The following LPIN1 variants were observed in gnomAD, a reference collection of about 807,000 sequenced individuals.
LPIN1 encodes the protein phosphatidate phosphatase LPIN1.
A neutral mutation model predicts 107.5 loss-of-function variants in LPIN1; 71 were observed. The observed-to-expected ratio is 0.66, with a 90% CI of 0.55 to 0.80. The LOEUF is 0.80. LPIN1 is among the 30% of genes least tolerant of loss of function. The pLI, the probability that LPIN1 is intolerant of heterozygous loss-of-function variation, is 0.00. For missense variants in LPIN1, 1,043 were observed against 1,160.6 expected (o/e 0.90, Z 1.47); for synonymous variants, 445 against 452.6 (o/e 0.98, Z 0.21).
intron 1 of LPIN1, among the ~76,000 whole-genome samples, chr2:11,739,487 T>G (rs934855892): frequency 2.0e-5 from 3 of 152,176 alleles, no homozygotes; most frequent in African/African-American, 7.2e-5. Flanking sequence ...CCCCTAAAAT[T>G]CAGGACATCG....
chr2:11,755,664 C>T (rs1668561410), intron 1 of LPIN1, among the ~76,000 whole-genome samples: 1 of 151,312 alleles, frequency 6.6e-6, no homozygotes, highest in Non-Finnish European at 1.5e-5. Context: ...ATGGAGGAGG[C>T]AGGTGGAAAT....
Position 11,774,112 on chromosome 2 carries a change from G to A in LPIN1, c.722+367G>A, listed in dbSNP as rs111394658. On this transcript the variant is annotated intron_variant, in intron 5 of 20. Transcript: ENST00000674199. The surrounding 1 kb of genome is among the most constrained non-coding windows in gnomAD (Gnocchi z 4.4). The stretch of plus-strand genomic sequence containing the variant: ...AGACGTTGCTTCAGGAGCTGCTGAG[G>A]TCGTTCAGGGCTATTAGAATGGTGC... 6.6e-6 allele frequency among the ~76,000 whole-genome samples: 1 copy of A among 152,338 alleles called. No individual in the cohort carries two copies. The highest frequency in any genetic ancestry group is 2.4e-5 in the African/African-American group (1 of 41,584).
intron 1 of LPIN1, among the ~76,000 whole-genome samples, chr2:11,686,654 C>T (rs1662019290): frequency 6.6e-6 from 1 of 152,122 alleles, no homozygotes; most frequent in South Asian, 2.1e-4. Flanking sequence ...AAAGAGCACT[C>T]TCCTTCTCAT....
chr2:11,755,126 C>T (rs985176943), intron 1 of LPIN1, among the ~76,000 whole-genome samples: 9 of 152,074 alleles, frequency 5.9e-5, no homozygotes, highest in South Asian at 2.1e-4. Context: ...CCACCATGCC[C>T]GGCTAATCTT....
chr2:11,760,238 T>C (rs1158097626), intron 1 of LPIN1, among the ~76,000 whole-genome samples: 1 of 143,604 alleles, frequency 7.0e-6, no homozygotes, highest in African/African-American at 2.6e-5. Flanking sequence ...TCCCAGACGA[T>C]GGGCGGCCAG....
intron 1 of LPIN1, among the ~76,000 whole-genome samples, chr2:11,726,900 C>G (rs990613518): frequency 6.6e-6 from 1 of 152,104 alleles, no homozygotes; most frequent in Admixed American, 6.5e-5. Context: ...TAGAGGGTCC[C>G]CCAATTCAGG....
intron 1 of LPIN1, among the ~76,000 whole-genome samples, chr2:11,689,377 A>G (rs1465962503): frequency 1.3e-5 from 2 of 152,234 alleles, no homozygotes; most frequent in African/African-American, 4.8e-5. Flanking sequence ...TTTGTCTTCA[A>G]TATCATCTTG....
intron 1 of LPIN1, among the ~76,000 whole-genome samples, chr2:11,683,762 G>A (rs1661855691): frequency 1.3e-5 from 2 of 152,192 alleles, no homozygotes; most frequent in African/African-American, 4.8e-5. Flanking sequence ...GTGTTTATGT[G>A]AACATCCTGC....
At chr2:11,799,057 G>T (rs544529857) in intron 14 of LPIN1, among the ~76,000 whole-genome samples, 10 of 152,306 alleles carry the variant, frequency 6.6e-5, no homozygotes, top group African/African-American at 2.4e-4. Flanking sequence ...GGGGTGGGGT[G>T]GGGGCCTCCG....
intron 17 of LPIN1, among the ~76,000 whole-genome samples, chr2:11,807,852 A>G (rs1331584761): frequency 6.6e-6 from 1 of 152,146 alleles, no homozygotes; most frequent in Non-Finnish European, 1.5e-5. Flanking sequence ...TCAGCACTGT[A>G]GGAGGAGGTG....
At chr2:11,768,872 C>T (rs1671392232) in intron 3 of LPIN1, among the ~76,000 whole-genome samples, 1 of 152,066 alleles carries the variant, frequency 6.6e-6, no homozygotes, top group Non-Finnish European at 1.5e-5. Context: ...GGAGGCGGAG[C>T]TTGCAGTGAG....
At chr2:11,742,572 G>A (rs1334088157), upstream of LPIN1, among the ~76,000 whole-genome samples, 1 of 152,192 alleles carries the variant, frequency 6.6e-6, no homozygotes, top group Non-Finnish European at 1.5e-5. Context: ...AGAGCCCACT[G>A]TAACAGTCCA....
chr2:11,800,558 C>G (rs1262892108), intron 14 of LPIN1, among the ~76,000 whole-genome samples: 1 of 152,102 alleles, frequency 6.6e-6, no homozygotes, highest in Non-Finnish European at 1.5e-5. Flanking sequence ...AGGCAAGAAC[C>G]ACCACGCCTG....
rs550886715 is a variant in LPIN1, at chr2:11,707,408, G to A, written c.82-6348G>A. Among the ~76,000 whole-genome samples, 9 of 152,324 alleles carry A rather than the reference G, an allele frequency of 5.9e-5. No individual in the cohort carries two copies. The highest frequency in any genetic ancestry group is 4.6e-4 in the Admixed American group (7 of 15,308). ...ATGGATGATGAAGAGGTGGCAGGAGGTGAGTCCGGAACCGTGGCCAGACCC... is the reference window on the plus strand; with the variant it reads ...ATGGATGATGAAGAGGTGGCAGGAGATGAGTCCGGAACCGTGGCCAGACCC... On this transcript the variant is annotated intron_variant, in intron 1 of 21. Coordinates refer to the LPIN1 transcript ENST00000449576. This position sits in a 1 kb window ranked among gnomAD's most constrained non-coding sequence, Gnocchi z 4.2.
At chr2:11,732,177 AC>A (rs1333744559) in intron 1 of LPIN1, among the ~76,000 whole-genome samples, 1 of 152,216 alleles carries the variant, frequency 6.6e-6, no homozygotes, top group East Asian at 1.9e-4. Context: ...ATGTGCAACA[AC>A]TTTGATGTGG....
intron 2 of LPIN1, among the ~76,000 whole-genome samples, chr2:11,715,904 G>A (rs528508745): frequency 9.2e-5 from 14 of 152,252 alleles, no homozygotes; most frequent in South Asian, 4.1e-4. Context: ...ACAGGGGGCC[G>A]GGGCAGGTGG....
At position 11,697,387 on chromosome 2, in the gene LPIN1, G is replaced by T. The variant is rs932873928; in HGVS notation, c.82-16369G>T. On this transcript the variant is annotated intron_variant, in intron 1 of 21. Coordinates refer to the LPIN1 transcript ENST00000449576. This position sits in a 1 kb window ranked among gnomAD's most constrained non-coding sequence, Gnocchi z 4.6. ...CAGCTCCTGGTGGCCTGTGGCCAGT[G>T]CAGGAGGAACAGGAAGCAGCCCCCG... Among the ~76,000 whole-genome samples, 5 of 152,366 alleles carry T rather than the reference G, an allele frequency of 3.3e-5. No homozygotes were observed. The highest frequency in any genetic ancestry group is 1.2e-4 in the African/African-American group (5 of 41,600).
Position 11,825,882 on chromosome 2 carries a change from G to A in LPIN1, c.*1091G>A, listed in dbSNP as rs1256889085. On this transcript the variant is annotated 3_prime_UTR_variant, in exon 21 of 21. Coordinates refer to ENST00000674199, the MANE Select transcript of LPIN1 (RefSeq NM_001349206.2). This position sits in a 1 kb window ranked among gnomAD's most constrained non-coding sequence, Gnocchi z 4.1. ...ATTAATATATTAAAAAGATGTATGT[G>A]TTAGACTATCGAAAGGGCCTTATTC... 1.3e-5 allele frequency: 2 copies of A among 152,198 alleles called. No homozygotes were observed. Among genetic ancestry groups the A allele is most frequent in the East Asian group, 3.8e-4 (2 of 5,208 alleles). 9.4% of individuals were successfully genotyped at this position (152,198 alleles called of 1,614,324 possible).
intron 1 of LPIN1, among the ~76,000 whole-genome samples, chr2:11,712,365 C>T (rs1471152246): frequency 3.3e-5 from 5 of 152,226 alleles, no homozygotes; most frequent in African/African-American, 9.7e-5. Context: ...CTACATTCCC[C>T]ACAGGCAGAT....
Sources: allele counts gnomAD v4.1 joint callset (sites outside exome capture counted in the v4.1 genomes callset), GRCh38; gene constraint gnomAD v4.1.1; non-coding constraint Gnocchi (gnomAD v3.1); transcripts MANE v1.5; gene names NCBI Gene and HGNC (gene_info 2026-07-23, HGNC 2026-07-21).